Variants in HSD17B3 observed in about 807,000 individuals in gnomAD.
HSD17B3 encodes the protein hydroxysteroid 17-beta dehydrogenase 3.
Under a neutral mutation model 41.1 loss-of-function variants are expected in HSD17B3, and 29 were observed. The ratio of observed to expected loss-of-function variants is 0.71; its 90% CI spans 0.53 to 0.96. HSD17B3 has a LOEUF of 0.96. HSD17B3 is among the 40% of genes least tolerant of loss of function. HSD17B3 has a pLI of 0.00. For missense variants in HSD17B3, 323 were observed against 374.6 expected, an observed-to-expected ratio of 0.86 and a Z score of 1.14; for synonymous variants, 126 against 145.6, an observed-to-expected ratio of 0.87 and a Z score of 0.97.
chr9:96,235,464 C>T lies in HSD17B3; in HGVS notation c.929G>A (p.Arg310Lys), dbSNP rs779242660. The part of the protein sequence containing the change: ...VAYLKLNTKV[R>K] ...GCTGGACTCCTCACCGCCTGGCTAC[C>T]TGACCTTGGTGTTGAGCTTCAGGTA... The change falls in exon 11 of 11, where the codon AGG (arginine) becomes AAG (lysine). Residue 310 changes from arginine to lysine, a missense_variant. Transcript: ENST00000375263. The T allele has an allele frequency of 1.5e-5, 24 of 1,612,360 alleles. No homozygotes were observed. Among genetic ancestry groups the T allele is most frequent in the Non-Finnish European group, 1.8e-5 (21 of 1,178,834 alleles).
At chr9:96,239,927 C>T (rs1836367260) in intron 10 of HSD17B3, 1 of 152,212 alleles carries the variant, frequency 6.6e-6, no homozygotes, top group Non-Finnish European at 1.5e-5. Context: ...CTTGCACTCA[C>T]TCATAAGAGC....
chr9:96,279,487 G>A (rs1472126247), intron 2 of HSD17B3, among the ~76,000 whole-genome samples: 2 of 152,106 alleles, frequency 1.3e-5, no homozygotes, highest in African/African-American at 4.8e-5. Flanking sequence ...TGGAGACCAA[G>A]GTGTTTATTA....
chr9:96,272,438 TATATATATAAA>T (rs1269503148), intron 2 of HSD17B3, among the ~76,000 whole-genome samples: 6 of 99,812 alleles, frequency 6.0e-5, no homozygotes, highest in Admixed American at 1.1e-4. Flanking sequence ...TATATATATA[TATATATATAAA>T]ATATATATGA....
chr9:96,248,869 T>A (rs936700712), intron 6 of HSD17B3, among the ~76,000 whole-genome samples: 1 of 152,200 alleles, frequency 6.6e-6, no homozygotes, highest in Admixed American at 6.5e-5. Flanking sequence ...AGAACTTGAA[T>A]GCTGAATGGT....
intron 2 of HSD17B3, among the ~76,000 whole-genome samples, chr9:96,281,116 A>G (rs1826673748): frequency 6.6e-6 from 1 of 152,010 alleles, no homozygotes; most frequent in African/African-American, 2.4e-5. Context: ...AAGACCCAAG[A>G]ACCTTCTCTT....
chr9:96,272,431 ATATATATATATATAT>A (rs1564048508), intron 2 of HSD17B3, among the ~76,000 whole-genome samples: 15 of 79,342 alleles, frequency 1.9e-4, no homozygotes, highest in South Asian at 1.2e-3. Flanking sequence ...ATATATATAT[ATATATATATATATAT>A]AAAATATATA....
intron 2 of HSD17B3, among the ~76,000 whole-genome samples, chr9:96,282,257 A>G (rs2476925): frequency 0.91 from 139,170 of 152,210 alleles, 63,758 homozygotes; most frequent in African/African-American, 0.96. Context: ...TATATGTTGC[A>G]TATGTGATAT....
chr9:96,262,229 C>CTTTTTTTTTTTT (rs71368240), intron 2 of HSD17B3, among the ~76,000 whole-genome samples: 1 of 54,166 alleles, frequency 1.8e-5, no homozygotes, highest in Non-Finnish European at 3.1e-5. Flanking sequence ...ATGTCAATTG[C>CTTTTTTTTTTTT]TTTTTTTTTT....
chr9:96,265,580 T>C (rs1488531508), intron 2 of HSD17B3, among the ~76,000 whole-genome samples: 1 of 152,224 alleles, frequency 6.6e-6, no homozygotes, highest in African/African-American at 2.4e-5. Flanking sequence ...TTTTAAGATC[T>C]AGCTTTATGG....
chr9:96,270,700 G>T (rs2130760480), intron 2 of HSD17B3, among the ~76,000 whole-genome samples: 1 of 152,350 alleles, frequency 6.6e-6, no homozygotes, highest in East Asian at 1.9e-4. Flanking sequence ...GAAGAATTCT[G>T]ACTGCCCTGT....
intron 10 of HSD17B3, among the ~76,000 whole-genome samples, chr9:96,238,992 C>T (rs1488226238): frequency 6.6e-6 from 1 of 152,230 alleles, no homozygotes; most frequent in African/African-American, 2.4e-5. Context: ...AGCCAGAGGT[C>T]TATGTGGATC....
intron 10 of HSD17B3, 59 bp downstream of exon 10, chr9:96,240,699 C>T: frequency 6.3e-7 from 1 of 1,582,262 alleles, no homozygotes; most frequent in Non-Finnish European, 8.7e-7. Context: ...CCAGCCCTGC[C>T]AGGGCCACCT....
intron 2 of HSD17B3, among the ~76,000 whole-genome samples, chr9:96,255,359 C>T (rs1825593314): frequency 9.7e-6 from 1 of 103,048 alleles, no homozygotes; most frequent in African/African-American, 3.3e-5. Context: ...GTTTCTGCCC[C>T]AACATTTCTT....
chr9:96,261,891 G>A (rs925275903), intron 2 of HSD17B3, among the ~76,000 whole-genome samples: 1 of 152,224 alleles, frequency 6.6e-6, no homozygotes, highest in Non-Finnish European at 1.5e-5. Context: ...TCCAAAGCAG[G>A]TCCTAGCTGT....
intron 5 of HSD17B3, chr9:96,250,154 G>T (rs911248486): frequency 1.6e-6 from 2 of 1,240,370 alleles, no homozygotes; most frequent in East Asian, 3.4e-5. Context: ...AAAGACAAAT[G>T]GTTGTATAAT....
Position 96,245,429 on chromosome 9 carries a change from G to T in HSD17B3, c.525-3C>A, listed in dbSNP as rs1215705994. 1.2e-6 allele frequency: 2 copies of T among 1,612,550 alleles called. No individual in the cohort carries two copies. The highest frequency in any genetic ancestry group is 2.2e-5 in the South Asian group (2 of 91,052). ...TGTTCAGGATGAGACCTTTCTGCCT[G>T]AAAGGCAAAGAAGCAAAGTTCCCAT... On this transcript the variant is annotated splice_region_variant and splice_polypyrimidine_tract_variant and intron_variant, in intron 7 of 10. Transcript: ENST00000375263.
chr9:96,255,314 CA>C (rs1435257120), intron 2 of HSD17B3, among the ~76,000 whole-genome samples: 1 of 139,338 alleles, frequency 7.2e-6, no homozygotes, highest in Non-Finnish European at 1.5e-5. Flanking sequence ...TCTTATGTAG[CA>C]GGGGGTGGGG....
At chr9:96,248,506 T>A (rs1470126619) in intron 6 of HSD17B3, among the ~76,000 whole-genome samples, 6 of 152,290 alleles carry the variant, frequency 3.9e-5, no homozygotes, top group Non-Finnish European at 8.8e-5. Flanking sequence ...GGGTCCCAGC[T>A]CCTTGAAATC....
intron 1 of HSD17B3, among the ~76,000 whole-genome samples, chr9:96,299,953 A>T (rs1270827992): frequency 1.3e-5 from 2 of 152,042 alleles, no homozygotes; most frequent in Non-Finnish European, 2.9e-5. Flanking sequence ...GACTCATAAA[A>T]ACAGGTTAAG....
Sources: allele counts gnomAD v4.1 joint callset (sites outside exome capture counted in the v4.1 genomes callset), GRCh38; gene constraint gnomAD v4.1.1; transcripts MANE v1.5; gene names NCBI Gene and HGNC (gene_info 2026-07-23, HGNC 2026-07-21).